Variants in ELF2 observed in about 807,000 individuals in gnomAD.
ELF2 encodes the protein E74 like ETS transcription factor 2.
ELF2 carries 11 observed loss-of-function variants against 54.8 expected under a neutral mutation model. The observed-to-expected ratio is 0.20, with a 90% CI of 0.13 to 0.33. The LOEUF is 0.33. Ranked by LOEUF, ELF2 falls within the 10% of genes least tolerant of loss-of-function variation. The pLI, the probability that ELF2 is intolerant of heterozygous loss-of-function variation, is 1.00. For synonymous variants in ELF2, 203 were observed against 245.1 expected (o/e 0.83, Z 1.61); for missense variants, 513 against 703.0 (o/e 0.73, Z 3.06).
intron 4 of ELF2, among the ~76,000 whole-genome samples, chr4:139,095,342 G>A (rs927102962): frequency 2.0e-5 from 3 of 151,948 alleles, no homozygotes; most frequent in East Asian, 1.9e-4. Context: ...GCAACATCAC[G>A]CCCAGCTAAT....
intron 1 of ELF2, among the ~76,000 whole-genome samples, chr4:139,149,204 A>T (rs551694340): frequency 6.6e-6 from 1 of 152,392 alleles, no homozygotes; most frequent in East Asian, 1.9e-4. Context: ...AATTTAAAAT[A>T]GTCTTCAGAT....
chr4:139,110,626 C>T (rs753376512), intron 4 of ELF2, among the ~76,000 whole-genome samples: 3 of 152,188 alleles, frequency 2.0e-5, no homozygotes, highest in Non-Finnish European at 4.4e-5. Flanking sequence ...CCCTAAGTGG[C>T]ATTCTAGTTC....
At chr4:139,143,005 A>T (rs1402985813) in intron 1 of ELF2, among the ~76,000 whole-genome samples, 1 of 152,228 alleles carries the variant, frequency 6.6e-6, no homozygotes, top group African/African-American at 2.4e-5. Flanking sequence ...GGATTCTCAG[A>T]TGATGGAGTA....
Position 139,071,923 on chromosome 4 carries a change from C to T in ELF2, c.469G>A (p.Asp157Asn), listed in dbSNP as rs750255351. Residue 157 changes from aspartate (D) to asparagine (N), a missense_variant, in exon 6 of 10, where the codon GAT (aspartate) becomes AAT (asparagine). Coordinates refer to ENST00000686138, the MANE Select transcript of ELF2 (RefSeq NM_001331036.3). ...EVSTEESEPMDTSPIPTSPDS... is the reference protein window; with the variant it reads ...EVSTEESEPMNTSPIPTSPDS... Reference sequence around the variant, plus strand: ...GGTGATGTTGGAATAGGAGAGGTATCCATGGGTTCAGACTCTTCAGTTGAC... The same window carrying T: ...GGTGATGTTGGAATAGGAGAGGTATTCATGGGTTCAGACTCTTCAGTTGAC... 1 of 1,612,856 alleles carries T rather than the reference C, an allele frequency of 6.2e-7. No homozygotes were observed. Among genetic ancestry groups the T allele is most frequent in the South Asian group, 1.1e-5 (1 of 90,782 alleles).
chr4:139,134,212 AT>A (rs1428599521), intron 3 of ELF2, among the ~76,000 whole-genome samples: 2 of 152,196 alleles, frequency 1.3e-5, no homozygotes, highest in Non-Finnish European at 2.9e-5. Flanking sequence ...AACTGCTGAT[AT>A]AATCACCTAA....
chr4:139,095,085 C>T lies in ELF2; in HGVS notation c.239-21518G>A, dbSNP rs370262927. On this transcript the variant is annotated intron_variant, in intron 4 of 9. Transcript: ENST00000686138. ...CTTCTGATCTTTATGCCTTTTTTTC[C>T]CCGTCTCATTGCATTGGCTAGGACC... 5.3e-4 allele frequency among the ~76,000 whole-genome samples: 80 copies of T among 151,824 alleles called. 2 individuals carry two copies. In the East Asian group the frequency reaches 7.1e-3, roughly 14 times the overall value.
At chr4:139,172,429 T>G (rs1742403840) in intron 1 of ELF2, among the ~76,000 whole-genome samples, 1 of 152,182 alleles carries the variant, frequency 6.6e-6, no homozygotes, top group Non-Finnish European at 1.5e-5. Flanking sequence ...AATCATCCCT[T>G]TATCCACCAT....
chr4:139,158,978 C>T (rs1392595631), intron 1 of ELF2, among the ~76,000 whole-genome samples: 1 of 152,082 alleles, frequency 6.6e-6, no homozygotes, highest in East Asian at 1.9e-4. Context: ...TGAGAAACTG[C>T]TTGGGTGATT....
intron 1 of ELF2, among the ~76,000 whole-genome samples, chr4:139,168,306 T>C (rs909150957): frequency 2.0e-5 from 3 of 152,264 alleles, no homozygotes; most frequent in Non-Finnish European, 1.5e-5. Context: ...TCTAGCTTCA[T>C]GGCTCAAAAC....
At chr4:139,105,851 C>T (rs1646111035) in intron 4 of ELF2, among the ~76,000 whole-genome samples, 1 of 152,138 alleles carries the variant, frequency 6.6e-6, no homozygotes, top group Admixed American at 6.5e-5. Context: ...ATAATGACAC[C>T]ACTGCACTCC....
At position 139,106,998 on chromosome 4, in the gene ELF2, G is replaced by A. The variant is rs1054638939; in HGVS notation, c.238+18166C>T. On this transcript the variant is annotated intron_variant, in intron 4 of 9. Transcript: ENST00000686138. ...TGACCTCAGGTGTTTCACCTGCTTC[G>A]GCCTCCCAAAGTGCTGGGATTACAG... Among the ~76,000 whole-genome samples the A allele has an allele frequency of 1.3e-4, 19 of 151,776 alleles. No individual in the cohort carries two copies. The South Asian group carries it at 3.7e-3, about 30-fold the overall frequency.
Position 139,059,436 on chromosome 4 carries a change from T to A in ELF2, c.1329A>T (p.Pro443=). The part of the protein sequence containing the change: ...VVIQTIPTVM[P]ASTENGDKIT... Reference sequence around the variant, plus strand: ...TTTTGTCTCCATTTTCAGTAGAAGCTGGCATCACAGTAGGGATTGTCTGAA... The same window carrying A: ...TTTTGTCTCCATTTTCAGTAGAAGCAGGCATCACAGTAGGGATTGTCTGAA... Residue 443 remains proline (P), a synonymous_variant, in exon 10 of 10, where the codon CCA becomes CCT. Coordinates refer to ENST00000686138, the MANE Select transcript of ELF2 (RefSeq NM_001331036.3). 1 of 1,614,014 alleles carries A rather than the reference T, an allele frequency of 6.2e-7. No individual in the cohort carries two copies. Among genetic ancestry groups the A allele is most frequent in the East Asian group, 2.2e-5 (1 of 44,892 alleles).
chr4:139,119,675 G>C (rs1039046670), intron 4 of ELF2, among the ~76,000 whole-genome samples: 10 of 152,194 alleles, frequency 6.6e-5, no homozygotes, highest in African/African-American at 2.4e-4. Context: ...CTACATGTTT[G>C]TAACTAGCCC....
chr4:139,067,453 A>G (rs1728871511), intron 7 of ELF2: 1 of 467,582 alleles, frequency 2.1e-6, no homozygotes. Context: ...CCAAGTCCCT[A>G]TATCCCCCAT....
At position 139,058,943 on chromosome 4, in the gene ELF2, C is replaced by T; in HGVS notation, c.*40G>A. The T allele has an allele frequency of 2.6e-6, 4 of 1,549,062 alleles. No individual in the cohort carries two copies. The highest frequency in any genetic ancestry group is 2.5e-5 in the South Asian group (2 of 78,928). ...TCCCTTGCAAATGTTTATGTCAGTA[C>T]TGCCACTAACAGCCTGAAGTCCATG... On this transcript the variant is annotated 3_prime_UTR_variant, in exon 10 of 10. Transcript: ENST00000686138.
chr4:139,083,488 T>A (rs981405623), intron 4 of ELF2, among the ~76,000 whole-genome samples: 1 of 152,168 alleles, frequency 6.6e-6, no homozygotes, highest in African/African-American at 2.4e-5. Context: ...TAAGTGACCC[T>A]GTCCAGGACC....
chr4:139,067,499 G>T, intron 7 of ELF2, 185 bp downstream of exon 7: 1 of 563,022 alleles, frequency 1.8e-6, no homozygotes, highest in Non-Finnish European at 3.1e-6. Flanking sequence ...TGTGGTGTAG[G>T]AACTGGGCAC....
chr4:139,121,531 TA>T (rs1010410171), intron 4 of ELF2, among the ~76,000 whole-genome samples: 46 of 151,984 alleles, frequency 3.0e-4, no homozygotes, highest in African/African-American at 1.1e-3. Flanking sequence ...ATAATTTTTA[TA>T]ATTTTTTAAA....
chr4:139,076,544 TTAA>T (rs1346809220), intron 4 of ELF2, among the ~76,000 whole-genome samples: 1 of 152,194 alleles, frequency 6.6e-6, no homozygotes, highest in Non-Finnish European at 1.5e-5. Context: ...TTAGGTGCTA[TTAA>T]TAAACTATCC....
Sources: gnomAD v4.1 joint callset for allele counts (sites outside exome capture counted in the v4.1 genomes callset) on GRCh38, gnomAD v4.1.1 for gene constraint, MANE v1.5 for transcripts, NCBI Gene and HGNC (gene_info 2026-07-23, HGNC 2026-07-21) for gene names.